Variants in HEATR9 observed in about 807,000 individuals in gnomAD.
The protein encoded by HEATR9 is protein HEATR9.
Under a neutral mutation model 68.2 loss-of-function variants are expected in HEATR9, and 54 were observed. The ratio of observed to expected loss-of-function variants is 0.79; its 90% CI spans 0.64 to 0.99. HEATR9 has a LOEUF of 0.99. HEATR9 is among the 50% of genes least tolerant of loss of function. The pLI, the probability that HEATR9 is intolerant of heterozygous loss-of-function variation, is 0.00. For synonymous variants in HEATR9, 241 were observed against 253.5 expected, an observed-to-expected ratio of 0.95 and a Z score of 0.47; for missense variants, 662 against 679.7, an observed-to-expected ratio of 0.97 and a Z score of 0.29.
At chr17:35,867,081 C>T (rs1332852914) in intron 1 of HEATR9, among the ~76,000 whole-genome samples, 3 of 140,576 alleles carry the variant, frequency 2.1e-5, no homozygotes, top group Non-Finnish European at 3.0e-5. Context: ...GAAACCCCGT[C>T]TCCACTAAAA....
At chr17:35,861,555 C>G (rs2087993626) in intron 8 of HEATR9, 2 of 789,252 alleles carry the variant, frequency 2.5e-6, no homozygotes, top group African/African-American at 1.7e-5. Context: ...AATAACACTT[C>G]TTGATACGCA....
At position 35,865,131 on chromosome 17, in the gene HEATR9, C is replaced by T. The variant is rs977754573; in HGVS notation, c.320+84G>A. The T allele has an allele frequency of 1.2e-4, 173 of 1,497,116 alleles. 5 individuals are homozygous for T. In the South Asian group the frequency reaches 2.1e-3, roughly 19 times the overall value. 92.7% of individuals were successfully genotyped at this position (1,497,116 alleles called of 1,614,324 possible). ...GACCTGTAGGCTGACTTGCCTTACTCCCTGGCCCACCCCTTCCTTGCCCTT... is the reference window on the plus strand; with the variant it reads ...GACCTGTAGGCTGACTTGCCTTACTTCCTGGCCCACCCCTTCCTTGCCCTT... On this transcript the variant is annotated intron_variant, in intron 3 of 14. Coordinates refer to ENST00000604834, the MANE Select transcript of HEATR9 (RefSeq NM_152781.4).
intron 6 of HEATR9, chr17:35,863,760 A>G (rs2088088978): frequency 1.6e-6 from 1 of 626,554 alleles, no homozygotes; most frequent in African/African-American, 1.8e-5. Context: ...TGTTTGTTCA[A>G]ATCTCTATCT....
chr17:35,864,102 G>A (rs1297069645), intron 6 of HEATR9, 144 bp downstream of exon 6: 1 of 653,372 alleles, frequency 1.5e-6, no homozygotes, highest in Admixed American at 2.6e-5. Flanking sequence ...ACATGGGATG[G>A]GTCATGCTGC....
In HEATR9 at chr17:35,866,778, C is replaced by T; in HGVS notation, c.89-5G>A. 1 of 1,613,734 alleles carries T rather than the reference C, an allele frequency of 6.2e-7. No homozygotes were observed. The highest frequency in any genetic ancestry group is 8.5e-7 in the Non-Finnish European group (1 of 1,179,720). ...GAGCCATGGCTTTTCTGAGTTCTGG[C>T]AAGAGGGATAAGAGTATGTGTGTGG... is the stretch of plus-strand genomic sequence containing the variant. On this transcript the variant is annotated splice_polypyrimidine_tract_variant and splice_region_variant and intron_variant, in intron 1 of 14. Transcript: ENST00000604834.
chr17:35,861,362 A>T, intron 8 of HEATR9: 1 of 1,571,544 alleles, frequency 6.4e-7, no homozygotes. Flanking sequence ...TAAAATTCAA[A>T]TGAATTATCC....
Position 35,864,251 on chromosome 17 carries a change from G to C in HEATR9, c.562C>G (p.Gln188Glu). ...CCAGCAGTTCTCAGACTCACCACCT[G>C]CTGTAGTGCCTCCATGACAAACTTG... ...SDKFVMEALQ[Q>E]VAQTGPEKVK... Residue 188 changes from glutamine to glutamate, a missense_variant, in exon 6 of 15, where the codon CAG becomes GAG. Physicochemically the swap from Gln to Glu is conservative, Grantham distance 29. Transcript: ENST00000604834. 1 of 1,610,420 alleles carries C rather than the reference G, an allele frequency of 6.2e-7. No homozygotes were observed. The highest frequency in any genetic ancestry group is 8.5e-7 in the Non-Finnish European group (1 of 1,176,638).
At chr17:35,858,372 T>C in intron 10 of HEATR9, 53 bp from the exon 11 acceptor site, 1 of 1,614,006 alleles carries the variant, frequency 6.2e-7, no homozygotes, top group South Asian at 1.1e-5. Flanking sequence ...GATTCCCTTC[T>C]TCATCCCCTA....
chr17:35,864,849 T>C lies in HEATR9; in HGVS notation c.362A>G (p.His121Arg). Reference sequence around the variant, plus strand: ...TATAGTCAGCTTGCTCATTGGGAGATGGAACATTTTGATGTGGGTTTGATG... The same window carrying C: ...TATAGTCAGCTTGCTCATTGGGAGACGGAACATTTTGATGTGGGTTTGATG... ...EVHQTHIKMF[H>R]LPMSKLTIKS... The change falls in exon 4 of 15, where the codon CAT becomes CGT. Residue 121 changes from histidine (H) to arginine (R), a missense_variant. Physicochemically the swap from His to Arg is conservative, Grantham distance 29. Transcript: ENST00000604834. 1.9e-6 allele frequency: 3 copies of C among 1,614,198 alleles called. No homozygotes were observed. Among genetic ancestry groups the C allele is most frequent in the Non-Finnish European group, 8.5e-7 (1 of 1,180,030 alleles).
rs149491745 is a variant in HEATR9, at chr17:35,862,984, C to G, written c.756+11G>C. 8.7e-6 allele frequency: 14 copies of G among 1,614,206 alleles called. No homozygotes were observed. In the African/African-American group the frequency reaches 1.3e-4, roughly 15 times the overall value. The stretch of plus-strand genomic sequence containing the variant: ...GCTTTGCCCCCAATTAAAGACTGTC[C>G]TCCCAATCACCTTGTCTTTAGAGAC... On this transcript the variant is annotated intron_variant, in intron 8 of 14. Coordinates refer to ENST00000604834, the MANE Select transcript of HEATR9 (RefSeq NM_152781.4).
rs748670502 is a variant in HEATR9, at chr17:35,868,748, TCTC to T, written c.-9_-7del. ...GTTGATTTTTCATAGGCCATCTTCT[TCTC>T]CTGGTGGGGCCAGAGGGAACCTGCA... On this transcript the variant is annotated 5_prime_UTR_variant, in exon 1 of 15. Coordinates refer to ENST00000604834, the MANE Select transcript of HEATR9 (RefSeq NM_152781.4). 4.1e-4 allele frequency: 669 copies of T among 1,613,800 alleles called. 1 individual carries two copies. The highest frequency in any genetic ancestry group is 4.9e-4 in the Middle Eastern group (3 of 6,084).
At position 35,858,327 on chromosome 17, in the gene HEATR9, C is replaced by G. The variant is rs375233328; in HGVS notation, c.1033-8G>C. 8.7e-6 allele frequency: 14 copies of G among 1,614,066 alleles called. No homozygotes were observed. Among genetic ancestry groups the G allele is most frequent in the Non-Finnish European group, 1.2e-5 (14 of 1,180,010 alleles). On this transcript the variant is annotated splice_region_variant and splice_polypyrimidine_tract_variant and intron_variant, in intron 10 of 14. Transcript: ENST00000604834. ...GGTGGCTTCAAAGCGGTCCTGAGGT[C>G]GGGGGTGAGGGTTAGTGGGGAGGTG...
Position 35,866,715 on chromosome 17 carries a change from G to A in HEATR9, c.138+9C>T, listed in dbSNP as rs1952552618. 6.2e-7 allele frequency: 1 copy of A among 1,613,172 alleles called. No homozygotes were observed. The highest frequency in any genetic ancestry group is 1.7e-5 in the Admixed American group (1 of 60,000). On this transcript the variant is annotated intron_variant, in intron 2 of 14. Coordinates refer to ENST00000604834, the MANE Select transcript of HEATR9 (RefSeq NM_152781.4). ...CAGCTCCCAGGGTAGCAAAAGTAAG[G>A]GGTCTTACCTGGTAGCAGGACAAGG...
chr17:35,865,930 T>G (rs981839486), intron 2 of HEATR9, among the ~76,000 whole-genome samples: 6 of 152,224 alleles, frequency 3.9e-5, no homozygotes, highest in African/African-American at 1.4e-4. Flanking sequence ...CTTAACAGTT[T>G]AGCAGGGAAA....
chr17:35,861,684 ACTTT>A (rs1469905777), intron 8 of HEATR9: 2 of 537,428 alleles, frequency 3.7e-6, no homozygotes, highest in Non-Finnish European at 6.7e-6. Context: ...TAACCCACTC[ACTTT>A]CTTTATGTCT....
At chr17:35,864,080 A>G (rs950539501) in intron 6 of HEATR9, 166 bp downstream of exon 6, 3 of 602,962 alleles carry the variant, frequency 5.0e-6, no homozygotes, top group Non-Finnish European at 6.0e-6. Context: ...CTGCTCTTCG[A>G]AGAGGCCAAG....
rs774648611 is a variant in HEATR9, at chr17:35,863,495, TACTC to T, written c.625+3_625+6del. 1.2e-6 allele frequency: 2 copies of T among 1,613,932 alleles called. No individual in the cohort carries two copies. The highest frequency in any genetic ancestry group is 1.7e-6 in the Non-Finnish European group (2 of 1,179,848). On this transcript the variant is annotated splice_donor_5th_base_variant and intron_variant, in intron 7 of 14. Coordinates refer to ENST00000604834, the MANE Select transcript of HEATR9 (RefSeq NM_152781.4). ...CAACTCCCCACCAAGGGAGAAGACA[TACTC>T]ACCCAGGATGGCCAGGGTTCGGTAG...
At chr17:35,866,057 C>T (rs1189645130) in intron 2 of HEATR9, among the ~76,000 whole-genome samples, 1 of 152,150 alleles carries the variant, frequency 6.6e-6, no homozygotes, top group East Asian at 1.9e-4. Context: ...GGATTCATCC[C>T]TGTCTCTTCT....
chr17:35,856,302 G>T, intron 12 of HEATR9, 78 bp from the exon 13 acceptor site: 3 of 1,613,978 alleles, frequency 1.9e-6, no homozygotes, highest in Non-Finnish European at 2.5e-6. Context: ...TGCTTTTCAG[G>T]TCCAGAGCGA....
Sources: gnomAD v4.1 joint callset for allele counts (sites outside exome capture counted in the v4.1 genomes callset) on GRCh38, gnomAD v4.1.1 for gene constraint, MANE v1.5 for transcripts, NCBI Gene and HGNC (gene_info 2026-07-23, HGNC 2026-07-21) for gene names.